The following ITSN2 variants were observed in gnomAD, a reference collection of about 807,000 sequenced individuals.
ITSN2 encodes the protein intersectin-2.
Under a neutral mutation model 243.7 loss-of-function variants are expected in ITSN2, and 156 were observed. That is an observed-to-expected ratio of 0.64 (90% CI 0.56 to 0.73). The LOEUF (loss-of-function observed/expected upper bound fraction) is 0.73, where lower values mean the gene tolerates loss of function less well. Among genes scored for constraint, ITSN2 ranks in the 30% least tolerant of loss-of-function variants. The pLI is 0.00. For missense variants in ITSN2, 1,801 were observed against 1,996.1 expected (o/e 0.90, Z 1.86); for synonymous variants, 703 against 699.9 (o/e 1.00, Z -0.07).
intron 37 of ITSN2, among the ~76,000 whole-genome samples, chr2:24,207,496 G>A (rs1184520096): frequency 2.0e-5 from 3 of 152,138 alleles, no homozygotes; most frequent in African/African-American, 7.2e-5. Context: ...GCGCGGGCTT[G>A]GGAGAGTGTG....
At chr2:24,328,237 A>G in intron 1 of ITSN2, 122 bp from the exon 2 acceptor site, 1 of 643,498 alleles carries the variant, frequency 1.6e-6, no homozygotes, top group Non-Finnish European at 2.7e-6. Flanking sequence ...AAAACAATGC[A>G]GAGCTTCTGC....
chr2:24,358,743 A>G (rs1688684185), intron 1 of ITSN2, among the ~76,000 whole-genome samples: 1 of 152,204 alleles, frequency 6.6e-6, no homozygotes, highest in Non-Finnish European at 1.5e-5. Flanking sequence ...TGAAAATACA[A>G]ATTTTTTAAC....
intron 29 of ITSN2, among the ~76,000 whole-genome samples, chr2:24,237,747 TC>T (rs1672328482): frequency 6.6e-6 from 1 of 152,212 alleles, no homozygotes; most frequent in Non-Finnish European, 1.5e-5. Flanking sequence ...CTCCGTTTCA[TC>T]ATTTTTTGCT....
chr2:24,308,492 T>A (rs753270755), intron 8 of ITSN2, 125 bp downstream of exon 8: 4 of 533,930 alleles, frequency 7.5e-6, no homozygotes, highest in Non-Finnish European at 1.2e-5. Context: ...ATCAAATGCC[T>A]GCTAAATTTT....
chr2:24,286,841 T>G (rs1259030500), intron 15 of ITSN2, among the ~76,000 whole-genome samples: 2 of 152,170 alleles, frequency 1.3e-5, no homozygotes, highest in Non-Finnish European at 2.9e-5. Flanking sequence ...GATTATTTAG[T>G]AACATTATTT....
chr2:24,206,336 C>A, intron 37 of ITSN2: 1 of 387,336 alleles, frequency 2.6e-6, no homozygotes, highest in Non-Finnish European at 5.2e-6. Flanking sequence ...GTGGGAGGCC[C>A]AGGCAGGAGG....
intron 29 of ITSN2, among the ~76,000 whole-genome samples, chr2:24,237,819 G>A (rs975703970): frequency 3.9e-5 from 6 of 152,032 alleles, no homozygotes; most frequent in East Asian, 1.9e-4. Context: ...CGATCAGGCC[G>A]AACTTCAATC....
At chr2:24,291,752 T>C (rs1680289360) in intron 15 of ITSN2, among the ~76,000 whole-genome samples, 1 of 152,222 alleles carries the variant, frequency 6.6e-6, no homozygotes, top group Non-Finnish European at 1.5e-5. Flanking sequence ...CCTCCCAAAG[T>C]GCTAGGATTG....
At chr2:24,303,745 T>TA in intron 9 of ITSN2, 54 bp downstream of exon 9, 1 of 1,102,906 alleles carries the variant, frequency 9.1e-7, no homozygotes, top group East Asian at 2.4e-5. Context: ...AGAGAGAGTT[T>TA]AATTAATTAA....
At chr2:24,287,700 C>G (rs72855429) in intron 15 of ITSN2, among the ~76,000 whole-genome samples, 24 of 152,076 alleles carry the variant, frequency 1.6e-4, no homozygotes, top group African/African-American at 5.5e-4. Flanking sequence ...CACTACCACT[C>G]GTTATCTCTG....
chr2:24,213,690 G>A (rs1323909845), intron 32 of ITSN2, among the ~76,000 whole-genome samples: 1 of 152,156 alleles, frequency 6.6e-6, no homozygotes, highest in African/African-American at 2.4e-5. Context: ...TTACAATTGT[G>A]ATGACTTTGA....
intron 37 of ITSN2, chr2:24,206,311 G>A (rs767468925): frequency 2.4e-6 from 1 of 409,114 alleles, no homozygotes; most frequent in South Asian, 1.9e-5. Flanking sequence ...TGCAACTATA[G>A]CAGCCAGGAA....
At chr2:24,338,938 G>A (rs866095049) in intron 1 of ITSN2, among the ~76,000 whole-genome samples, 2 of 152,176 alleles carry the variant, frequency 1.3e-5, no homozygotes, top group African/African-American at 4.8e-5. Context: ...AATCAAGGAG[G>A]TAATATTTGT....
chr2:24,244,040 G>T (rs1673057177), intron 29 of ITSN2, among the ~76,000 whole-genome samples: 1 of 152,114 alleles, frequency 6.6e-6, no homozygotes, highest in East Asian at 1.9e-4. Flanking sequence ...GCAGACTAAG[G>T]CTCTGCCAGT....
chr2:24,343,240 T>A (rs1234208224), intron 1 of ITSN2, among the ~76,000 whole-genome samples: 17 of 151,976 alleles, frequency 1.1e-4, no homozygotes, highest in East Asian at 7.7e-4. Context: ...CATTAAAAAA[T>A]ATATATATAA....
intron 29 of ITSN2, among the ~76,000 whole-genome samples, chr2:24,226,010 G>A (rs573143482): frequency 2.0e-5 from 3 of 152,296 alleles, no homozygotes; most frequent in South Asian, 2.1e-4. Context: ...GTACTGGTTT[G>A]TATCTGTCTT....
intron 27 of ITSN2, among the ~76,000 whole-genome samples, chr2:24,247,908 G>A (rs536987226): frequency 2.0e-5 from 3 of 152,196 alleles, no homozygotes; most frequent in African/African-American, 7.2e-5. Flanking sequence ...GGTTATTCAA[G>A]AAGGTATTAA....
intron 1 of ITSN2, among the ~76,000 whole-genome samples, chr2:24,354,062 A>C (rs1370909694): frequency 2.6e-5 from 4 of 152,254 alleles, no homozygotes; most frequent in Admixed American, 1.3e-4. Context: ...ATTTATTATG[A>C]AAATTAAAAC....
chr2:24,300,895 C>T (rs1681638470), intron 11 of ITSN2, among the ~76,000 whole-genome samples: 1 of 152,010 alleles, frequency 6.6e-6, no homozygotes. Context: ...ATAACTCAGC[C>T]TAAATTAGGA....
Sources: allele counts gnomAD v4.1 joint callset (sites outside exome capture counted in the v4.1 genomes callset), GRCh38; gene constraint gnomAD v4.1.1; transcripts MANE v1.5; gene names NCBI Gene and HGNC (gene_info 2026-07-23, HGNC 2026-07-21).